The following TRIM17 variants were observed in gnomAD, a reference collection of about 807,000 sequenced individuals.
TRIM17 encodes E3 ubiquitin-protein ligase TRIM17.
A neutral mutation model predicts 35.8 loss-of-function variants in TRIM17; 27 were observed. That is an observed-to-expected ratio of 0.75 (90% CI 0.56 to 1.04). The LOEUF is 1.04. Among genes scored for constraint, TRIM17 ranks in the 50% least tolerant of loss-of-function variants. The pLI is 0.00. For missense variants in TRIM17, 582 were observed against 612.8 expected (o/e 0.95, Z 0.53); for synonymous variants, 246 against 252.6 (o/e 0.97, Z 0.25).
At position 228,408,151 on chromosome 1, in the gene TRIM17, C is replaced by T; in HGVS notation, c.*50G>A. ...AGGTGGCCTGCAGTAAGCAGAAGGCCCACACCTTCTGCAGAGCCAGGAGCA... is the reference window on the plus strand; with the variant it reads ...AGGTGGCCTGCAGTAAGCAGAAGGCTCACACCTTCTGCAGAGCCAGGAGCA... On this transcript the variant is annotated 3_prime_UTR_variant, in exon 7 of 7. Coordinates refer to ENST00000366698, the MANE Select transcript of TRIM17 (RefSeq NM_016102.4). This position sits in a 1 kb window ranked among gnomAD's most constrained non-coding sequence, Gnocchi z 6.3. 4.0e-6 allele frequency: 6 copies of T among 1,493,808 alleles called. No homozygotes were observed. The highest frequency in any genetic ancestry group is 5.4e-6 in the Non-Finnish European group (6 of 1,117,910). 92.5% of individuals were successfully genotyped at this position (1,493,808 alleles called of 1,614,324 possible). A position where few individuals can be genotyped will look rare whatever the true frequency, so the allele number is the denominator to read the frequency against.
chr1:228,408,491 T>TA lies in TRIM17; in HGVS notation c.1143_1144insT (p.Lys382Ter), dbSNP rs1558452940. On this transcript the variant is annotated frameshift_variant, in exon 7 of 7. Coordinates refer to ENST00000366698, the MANE Select transcript of TRIM17 (RefSeq NM_016102.4). LOFTEE classifies it low-confidence loss of function (END_TRUNC). This position sits in a 1 kb window ranked among gnomAD's most constrained non-coding sequence, Gnocchi z 6.3. ...ACCCAGAAGCCGTTTTCGGGGCACT[T>TA]GGGGACCCTGTCTTTCCGGCTCACG... The TA allele has an allele frequency of 1.2e-6, 2 of 1,613,990 alleles. No individual in the cohort carries two copies. The highest frequency in any genetic ancestry group is 1.7e-6 in the Non-Finnish European group (2 of 1,179,978).
At position 228,408,977 on chromosome 1, in the gene TRIM17, C is replaced by G; in HGVS notation, c.883+195G>C. 6.6e-7 allele frequency: 1 copy of G among 1,524,126 alleles called. No homozygotes were observed. Among genetic ancestry groups the G allele is most frequent in the Non-Finnish European group, 8.8e-7 (1 of 1,131,694 alleles). 94.4% of individuals were successfully genotyped at this position (1,524,126 alleles called of 1,614,324 possible). A position where few individuals can be genotyped will look rare whatever the true frequency, so the allele number is the denominator to read the frequency against. On this transcript the variant is annotated intron_variant, in intron 6 of 6. Coordinates refer to ENST00000366698, the MANE Select transcript of TRIM17 (RefSeq NM_016102.4). The surrounding 1 kb of genome is among the most constrained non-coding windows in gnomAD (Gnocchi z 6.3). The stretch of plus-strand genomic sequence containing the variant: ...GGCTGGGCAGAGAGACCACTGGGAA[C>G]TCAACAAGATTCATCCCATGAATTA...
Position 228,409,158 on chromosome 1 carries a change from G to A in TRIM17, c.883+14C>T, listed in dbSNP as rs1217736193. 4 of 1,613,896 alleles carry A rather than the reference G, an allele frequency of 2.5e-6. No homozygotes were observed. Among genetic ancestry groups the A allele is most frequent in the Non-Finnish European group, 3.4e-6 (4 of 1,179,988 alleles). ...ATCCTGGGTCAGAGGTCCTGGCCCT[G>A]GGTGCCCACTTACCTAGAAAGCCTC... On this transcript the variant is annotated intron_variant, in intron 6 of 6. Coordinates refer to ENST00000366698, the MANE Select transcript of TRIM17 (RefSeq NM_016102.4).
chr1:228,412,595 C>CAAAAAAAAAA (rs34002550), intron 3 of TRIM17, among the ~76,000 whole-genome samples: 1 of 47,410 alleles, frequency 2.1e-5, no homozygotes, highest in Non-Finnish European at 3.5e-5. Flanking sequence ...CTTGTCTCTA[C>CAAAAAAAAAA]AAAAAAAAAA....
At chr1:228,409,691 C>T (rs1015228057) in intron 4 of TRIM17, 1 of 414,234 alleles carries the variant, frequency 2.4e-6, no homozygotes, top group Admixed American at 4.0e-5. Context: ...GGACCCCTTC[C>T]AGGCAAGTGG....
chr1:228,415,067 C>T lies in TRIM17; in HGVS notation c.6G>A (p.Glu2=), dbSNP rs1558460015. Residue 2 remains glutamate, a synonymous_variant, in exon 2 of 7, where the codon GAG becomes GAA. Coordinates refer to ENST00000366698, the MANE Select transcript of TRIM17 (RefSeq NM_016102.4). M[E]AVELARKLQE... ...GCAGTTTTCTGGCGAGTTCCACAGCCTCCATGGCTCCTGGGAGACACGAGG... is the reference window on the plus strand; with the variant it reads ...GCAGTTTTCTGGCGAGTTCCACAGCTTCCATGGCTCCTGGGAGACACGAGG... The T allele has an allele frequency of 1.2e-6, 2 of 1,600,112 alleles. No individual in the cohort carries two copies. The highest frequency in any genetic ancestry group is 8.5e-7 in the Non-Finnish European group (1 of 1,170,184).
chr1:228,414,224 G>T (rs959806201), intron 2 of TRIM17, among the ~76,000 whole-genome samples: 6 of 152,168 alleles, frequency 3.9e-5, no homozygotes, highest in African/African-American at 1.2e-4. Context: ...TGTGCAAAGG[G>T]ACCCTGCTAA....
intron 2 of TRIM17, among the ~76,000 whole-genome samples, chr1:228,414,198 C>T (rs113264797): frequency 2.6e-5 from 4 of 152,180 alleles, no homozygotes; most frequent in African/African-American, 9.7e-5. Flanking sequence ...GCGGGAAAGC[C>T]GAAACCAGAG....
rs1219914183 is a variant in TRIM17 at position 228,414,830 on chromosome 1, G to T, written c.243C>A (p.Thr81=). Residue 81 remains threonine (T), a synonymous_variant, in exon 2 of 7, where the codon ACC becomes ACA. Coordinates refer to ENST00000366698, the MANE Select transcript of TRIM17 (RefSeq NM_016102.4). The stretch of plus-strand genomic sequence containing the variant: ...GCTGCTGCGCCATCTCGGCCACCTT[G>T]GTCAGCAGCCGGTTGGGCAGCAGGT... ...QRNLLPNRLL[T]KVAEMAQQHP... 2 of 1,613,474 alleles carry T rather than the reference G, an allele frequency of 1.2e-6. No individual in the cohort carries two copies. The highest frequency in any genetic ancestry group is 1.7e-6 in the Non-Finnish European group (2 of 1,180,056).
At chr1:228,413,767 G>T in intron 3 of TRIM17, 30 bp downstream of exon 3, 1 of 1,568,234 alleles carries the variant, frequency 6.4e-7, no homozygotes, top group Non-Finnish European at 8.8e-7. Flanking sequence ...GCAGCAGCAG[G>T]AAAGGGACTG....
At chr1:228,414,591 C>G in intron 2 of TRIM17, 53 bp downstream of exon 2, 1 of 1,496,262 alleles carries the variant, frequency 6.7e-7, no homozygotes, top group Non-Finnish European at 9.2e-7. Context: ...GTCACCTTGT[C>G]CCCCTGGATG....
chr1:228,414,691 G>A lies in TRIM17; in HGVS notation c.382C>T (p.Arg128Trp), dbSNP rs1454847168. The change falls in exon 2 of 7, where the codon CGG (arginine) becomes TGG (tryptophan). Residue 128 changes from arginine (R) to tryptophan (W), a missense_variant. By Grantham distance (101) the Arg-to-Trp change is moderately radical. Coordinates refer to ENST00000366698, the MANE Select transcript of TRIM17 (RefSeq NM_016102.4). ...TCGGCGGGCAGCACCCTGTGCAGCC[G>A]GTGCTCCCGGGACTCCCTGCACACC... ...CVVCRESREH[R>W]LHRVLPAEEA... The A allele has an allele frequency of 9.9e-6, 16 of 1,611,804 alleles. No homozygotes were observed. The African/African-American group carries it at 1.1e-4, about 11-fold the overall frequency.
At position 228,410,941 on chromosome 1, in the gene TRIM17, C is replaced by CT; in HGVS notation, c.756+4dup. Reference sequence around the variant, plus strand: ...CCACCCTGCCTGCCAAGCCTACTGGCTCACCTGCAGCATCTGGAGGGGCCC... The same window carrying CT: ...CCACCCTGCCTGCCAAGCCTACTGGCTTCACCTGCAGCATCTGGAGGGGCCC... On this transcript the variant is annotated splice_donor_region_variant and intron_variant, in intron 4 of 6. Transcript: ENST00000366698. The surrounding 1 kb of genome is among the most constrained non-coding windows in gnomAD (Gnocchi z 4.6). 6.5e-7 allele frequency: 1 copy of CT among 1,532,538 alleles called. No individual in the cohort carries two copies. The highest frequency in any genetic ancestry group is 1.2e-5 in the South Asian group (1 of 80,594). 94.9% of individuals were successfully genotyped at this position (1,532,538 alleles called of 1,614,324 possible).
chr1:228,409,343 C>G (rs1656651716), intron 5 of TRIM17, 46 bp downstream of exon 5: 1 of 1,597,748 alleles, frequency 6.3e-7, no homozygotes, highest in Non-Finnish European at 8.5e-7. Flanking sequence ...GTCCCCCCCG[C>G]CCACCGCTGC....
At chr1:228,409,589 A>G in intron 4 of TRIM17, 178 bp from the exon 5 acceptor site, 1 of 561,026 alleles carries the variant, frequency 1.8e-6, no homozygotes, top group Non-Finnish European at 3.1e-6. Flanking sequence ...AGCTCCCACT[A>G]CCACCAGAGC....
Position 228,411,022 on chromosome 1 carries a change from C to G in TRIM17, c.680G>C (p.Arg227Pro). The G allele has an allele frequency of 6.2e-7, 1 of 1,612,690 alleles. No individual in the cohort carries two copies. The highest frequency in any genetic ancestry group is 1.1e-5 in the South Asian group (1 of 90,988). The change falls in exon 4 of 7, where the codon CGG becomes CCG. Residue 227 changes from arginine to proline, a missense_variant. Coordinates refer to ENST00000366698, the MANE Select transcript of TRIM17 (RefSeq NM_016102.4). The surrounding 1 kb of genome is among the most constrained non-coding windows in gnomAD (Gnocchi z 4.2). The part of the protein sequence containing the change: ...RLRESVACLD[R>P]QGHSLELLLL... ...CAGCAGCTCCAGAGAGTGACCCTGC[C>G]GGTCCAGGCAGGCCACGCTCTCCCG...
intron 3 of TRIM17, 151 bp downstream of exon 3, chr1:228,413,646 C>T (rs1656909141): frequency 1.6e-6 from 1 of 630,234 alleles, no homozygotes. Flanking sequence ...CAGTTTCATT[C>T]TGAGGCCAGC....
chr1:228,409,120 G>A (rs1358121943), intron 6 of TRIM17, 52 bp downstream of exon 6: 1 of 1,613,970 alleles, frequency 6.2e-7, no homozygotes, highest in Non-Finnish European at 8.5e-7. Context: ...GTACAGTGGG[G>A]CATCGCCAAG....
At chr1:228,412,667 G>C (rs189513490) in intron 3 of TRIM17, among the ~76,000 whole-genome samples, 1 of 151,544 alleles carries the variant, frequency 6.6e-6, no homozygotes, top group East Asian at 1.9e-4. Flanking sequence ...CTACTCAGGA[G>C]GTTGAAGCAG....
Sources: gnomAD v4.1 joint callset for allele counts (sites outside exome capture counted in the v4.1 genomes callset) on GRCh38, gnomAD v4.1.1 for gene constraint, Gnocchi (gnomAD v3.1) non-coding constraint, MANE v1.5 for transcripts, NCBI Gene and HGNC (gene_info 2026-07-23, HGNC 2026-07-21) for gene names.